FGF13: variants seen among roughly 807,000 people sequenced by gnomAD.
The protein encoded by FGF13 is fibroblast growth factor 13, also known as fibroblast growth factor homologous factor 2.
Under a neutral mutation model 19.5 loss-of-function variants are expected in FGF13, and 2 were observed. The ratio of observed to expected loss-of-function variants is 0.10; its 90% CI spans 0.04 to 0.32. FGF13 has a LOEUF of 0.32. Among genes scored for constraint, FGF13 ranks in the 10% least tolerant of loss-of-function variants. The pLI, the probability that FGF13 is intolerant of heterozygous loss-of-function variation, is 1.00. For missense variants in FGF13, 113 were observed against 192.7 expected (o/e 0.59, Z 2.45); for synonymous variants, 72 against 76.9 (o/e 0.94, Z 0.33).
chrX:138,720,207 CTCA>C (rs777945732), intron 1 of FGF13, among the ~76,000 whole-genome samples: 1 of 112,247 alleles, frequency 8.9e-6, no homozygotes, highest in South Asian at 3.7e-4. Flanking sequence ...AAATTTTTTT[CTCA>C]TCAACATTAT....
intron 1 of FGF13, among the ~76,000 whole-genome samples, chrX:138,964,671 A>G (rs982812464): frequency 8.9e-6 from 1 of 111,902 alleles, no homozygotes; most frequent in Non-Finnish European, 1.9e-5. Context: ...GATTCTGGCA[A>G]GGACTGCAGG....
At chrX:138,767,043 T>G (rs1339493343) in intron 3 of FGF13, among the ~76,000 whole-genome samples, 4 of 111,523 alleles carry the variant, frequency 3.6e-5, no homozygotes, top group Non-Finnish European at 7.5e-5. Context: ...CAGGCCCAGG[T>G]GCTCAAGGAC....
chrX:138,831,720 T>C (rs1338375968), intron 3 of FGF13, among the ~76,000 whole-genome samples: 1 of 110,905 alleles, frequency 9.0e-6, no homozygotes, highest in Non-Finnish European at 1.9e-5. Context: ...ATTGTAGGTT[T>C]TTTACGTAGG....
At chrX:138,674,628 G>T (rs770969036) in intron 3 of FGF13, among the ~76,000 whole-genome samples, 2 of 110,899 alleles carry the variant, frequency 1.8e-5, no homozygotes, top group African/African-American at 6.6e-5. Flanking sequence ...ATCTCTCTGT[G>T]GGGTCAAGAA....
chrX:138,947,674 C>A (rs1333112031), intron 1 of FGF13, among the ~76,000 whole-genome samples: 1 of 111,213 alleles, frequency 9.0e-6, no homozygotes, highest in Non-Finnish European at 1.9e-5. Context: ...GACCAAATAA[C>A]AAACAAATCC....
chrX:138,961,715 A>G (rs2124304447), intron 1 of FGF13, among the ~76,000 whole-genome samples: 1 of 111,917 alleles, frequency 8.9e-6, no homozygotes. Context: ...TGATCCTTGA[A>G]AAACCTGACA....
At chrX:138,785,921 A>G (rs2090688450) in intron 3 of FGF13, among the ~76,000 whole-genome samples, 1 of 111,997 alleles carries the variant, frequency 8.9e-6, no homozygotes, top group African/African-American at 3.2e-5. Flanking sequence ...CTAGTTGCTC[A>G]CATAAGAAAG....
chrX:139,126,995 C>T (rs767226881), intron 1 of FGF13, among the ~76,000 whole-genome samples: 7 of 111,643 alleles, frequency 6.3e-5, no homozygotes, highest in Non-Finnish European at 1.3e-4. Context: ...CTACTTCACT[C>T]ACCATCTACT....
chrX:139,100,466 T>C (rs1020596334), intron 1 of FGF13, among the ~76,000 whole-genome samples: 1 of 109,373 alleles, frequency 9.1e-6, no homozygotes, highest in Admixed American at 9.8e-5. Context: ...CAGCACTGAC[T>C]ATAAACAACA....
intron 1 of FGF13, among the ~76,000 whole-genome samples, chrX:138,995,059 A>T: frequency 9.1e-6 from 1 of 109,565 alleles, no homozygotes; most frequent in East Asian, 2.9e-4. Context: ...TATCACTGAA[A>T]GAGGCAATGA....
At chrX:138,871,886 C>T (rs2091359341) in intron 1 of FGF13, among the ~76,000 whole-genome samples, 1 of 111,941 alleles carries the variant, frequency 8.9e-6, no homozygotes, top group South Asian at 3.8e-4. Flanking sequence ...TGTAACAGCT[C>T]TGGCTTTAAT....
intron 1 of FGF13, among the ~76,000 whole-genome samples, chrX:138,984,524 G>GAAC (rs1320718882): frequency 0.37 from 4,934 of 13,395 alleles, 1,425 homozygotes; most frequent in Non-Finnish European, 0.44. Flanking sequence ...AGAAGAAGAG[G>GAAC]AAGAAGAAGA....
rs2089964392 is a variant in FGF13 at position 138,703,197 on chromosome X, G to C, written c.299-110C>G. 8 of 561,221 alleles carry C rather than the reference G, an allele frequency of 1.4e-5. No homozygotes were observed. In the Admixed American group the frequency reaches 2.1e-4, roughly 15 times the overall value. 46.3% of individuals were successfully genotyped at this position (561,221 alleles called of 1,213,427 possible). On this transcript the variant is annotated intron_variant, in intron 2 of 4. Coordinates refer to ENST00000315930, the MANE Select transcript of FGF13 (RefSeq NM_004114.5). The stretch of plus-strand genomic sequence containing the variant: ...TCCAAAAGTAGTGTGTAGTTGGTGA[G>C]GGTATGCATATATGTCTGTTTATGT...
intron 3 of FGF13, among the ~76,000 whole-genome samples, chrX:138,638,104 T>G (rs761923416): frequency 2.4e-4 from 27 of 111,725 alleles, no homozygotes; most frequent in African/African-American, 8.8e-4. Context: ...ACTGGACTGC[T>G]GTCATAACAT....
intron 1 of FGF13, among the ~76,000 whole-genome samples, chrX:139,138,511 T>C (rs778823176): frequency 9.0e-6 from 1 of 111,716 alleles, no homozygotes; most frequent in African/African-American, 3.3e-5. Flanking sequence ...CCATCAGTTA[T>C]TTTCACATGA....
At chrX:138,660,154 C>T (rs901005387) in intron 3 of FGF13, among the ~76,000 whole-genome samples, 11 of 111,702 alleles carry the variant, frequency 9.8e-5, no homozygotes, top group Admixed American at 5.7e-4. Flanking sequence ...GCTAATTTAA[C>T]GCATGCTTGA....
chrX:138,619,597 C>T lies in FGF13; in HGVS notation c.*13253G>A, dbSNP rs1201787065. 1 of 110,303 alleles carries T rather than the reference C, an allele frequency of 9.1e-6. No homozygotes were observed. Among genetic ancestry groups the T allele is most frequent in the Non-Finnish European group, 1.9e-5 (1 of 52,810 alleles). 9.1% of individuals were successfully genotyped at this position (110,303 alleles called of 1,213,427 possible). A position where few individuals can be genotyped will look rare whatever the true frequency, so the allele number is the denominator to read the frequency against. On this transcript the variant is annotated 3_prime_UTR_variant, in exon 5 of 5. Coordinates refer to ENST00000315930, the MANE Select transcript of FGF13 (RefSeq NM_004114.5). ...CTGACAACGGTCTAATATCCAGAAT[C>T]TACAAGGAATTTAAGCAAATATACA...
chrX:138,653,868 AT>A (rs1392848209), intron 3 of FGF13, among the ~76,000 whole-genome samples: 2 of 112,020 alleles, frequency 1.8e-5, no homozygotes, highest in East Asian at 5.6e-4. Context: ...TGGCTTGCTG[AT>A]TTTGGCACAC....
chrX:139,090,604 C>A (rs1258155428), intron 1 of FGF13, among the ~76,000 whole-genome samples: 1 of 110,700 alleles, frequency 9.0e-6, no homozygotes, highest in Non-Finnish European at 1.9e-5. Flanking sequence ...CCACCCTCTG[C>A]CCTCCGATAG....
Sources: allele counts gnomAD v4.1 joint callset (sites outside exome capture counted in the v4.1 genomes callset), GRCh38; gene constraint gnomAD v4.1.1; transcripts MANE v1.5; gene names NCBI Gene and HGNC (gene_info 2026-07-23, HGNC 2026-07-21).